The following MYH11 variants were observed in gnomAD, a reference collection of about 807,000 sequenced individuals.
The protein encoded by MYH11 is myosin heavy chain 11, also known as myosin-11.
Under a neutral mutation model 246.6 loss-of-function variants are expected in MYH11, and 80 were observed. The ratio of observed to expected loss-of-function variants is 0.32; its 90% CI spans 0.27 to 0.39. MYH11 has a LOEUF of 0.39. Among genes scored for constraint, MYH11 ranks in the 10% least tolerant of loss-of-function variants. MYH11 has a pLI of 1.00. For missense variants in MYH11, 2,158 were observed against 2,546.8 expected (o/e 0.85, Z 3.29); for synonymous variants, 1,071 against 1,015.5 (o/e 1.05, Z -1.04).
intron 14 of MYH11, among the ~76,000 whole-genome samples, chr16:15,754,640 C>A (rs1442356919): frequency 2.0e-5 from 3 of 152,108 alleles, no homozygotes; most frequent in Non-Finnish European, 4.4e-5. Context: ...TTTGGCTTGG[C>A]AAGTCATACA....
At chr16:15,712,616 C>G (rs907188952) in intron 40 of MYH11, among the ~76,000 whole-genome samples, 1 of 152,006 alleles carries the variant, frequency 6.6e-6, no homozygotes, top group Non-Finnish European at 1.5e-5. Context: ...AAGTTGATAC[C>G]CTGGGGCGGT....
At chr16:15,816,802 A>C (rs1349760954) in intron 3 of MYH11, among the ~76,000 whole-genome samples, 1 of 151,990 alleles carries the variant, frequency 6.6e-6, no homozygotes, top group Admixed American at 6.6e-5. Flanking sequence ...CCAAAAAAAA[A>C]AAAAATCAAT....
chr16:15,734,806 C>T (rs989910762), intron 26 of MYH11, among the ~76,000 whole-genome samples: 15 of 152,134 alleles, frequency 9.9e-5, no homozygotes, highest in Middle Eastern at 3.2e-3. Context: ...TGGCCCAAGA[C>T]AAATCTTTTT....
At position 15,724,677 on chromosome 16, in the gene MYH11, C is replaced by T. The variant is rs998445950; in HGVS notation, c.4086G>A (p.Leu1362=). 6 of 1,614,202 alleles carry T rather than the reference C, an allele frequency of 3.7e-6. No homozygotes were observed. Among genetic ancestry groups the T allele is most frequent in the Non-Finnish European group, 5.1e-6 (6 of 1,180,024 alleles). The change falls in exon 30 of 41, where the codon CTG becomes CTA. Residue 1362 remains leucine, a synonymous_variant. Transcript: ENST00000300036. The stretch of plus-strand genomic sequence containing the variant: ...TGTTGAGAGTGGAGATGTGGCGCTC[C>T]AGGTTCTGCTTGGCCTCCATCTCCT... ...LDEEMEAKQN[L]ERHISTLNIQ...
Position 15,741,782 on chromosome 16 carries a change from T to C in MYH11, c.2630A>G (p.Glu877Gly). The change falls in exon 21 of 41, where the codon GAG (glutamate) becomes GGG (glycine). Residue 877 changes from glutamate (E) to glycine (G), a missense_variant. Transcript: ENST00000300036. The part of the protein sequence containing the change: ...RQQKAENELK[E>G]LEQKHSQLTE... The stretch of plus-strand genomic sequence containing the variant: ...TACCTGCGAGTGCTTCTGTTCCAGC[T>C]CCTTAAGCTCATTCTCTGCCTTCTG... 1 of 1,614,176 alleles carries C rather than the reference T, an allele frequency of 6.2e-7. No individual in the cohort carries two copies. Among genetic ancestry groups the C allele is most frequent in the African/African-American group, 1.3e-5 (1 of 75,038 alleles).
intron 4 of MYH11, among the ~76,000 whole-genome samples, chr16:15,790,465 GT>G (rs1202407109): frequency 6.6e-6 from 1 of 152,168 alleles, no homozygotes; most frequent in Non-Finnish European, 1.5e-5. Flanking sequence ...GGGCTCCACT[GT>G]TTCCAAGTTC....
intron 5 of MYH11, chr16:15,785,456 T>C (rs954052403): frequency 6.6e-6 from 1 of 151,870 alleles, no homozygotes; most frequent in African/African-American, 2.4e-5. Context: ...GAGACAATTC[T>C]AGGATGCTGA....
rs747859212 is a variant in MYH11 at position 15,837,935 on chromosome 16, C to T, written c.318G>A (p.Arg106=). 3.7e-6 allele frequency: 6 copies of T among 1,613,986 alleles called. No individual in the cohort carries two copies. Among genetic ancestry groups the T allele is most frequent in the South Asian group, 3.3e-5 (3 of 91,072 alleles). ...ATATTAGCCCTGAGAAGTACCGCTCCCTCAGGTTGTGTAGCACGGAGGCTT... is the reference window on the plus strand; with the variant it reads ...ATATTAGCCCTGAGAAGTACCGCTCTCTCAGGTTGTGTAGCACGGAGGCTT... The part of the protein sequence containing the change: ...LNEASVLHNL[R]ERYFSGLIYT... The change falls in exon 2 of 41, where the codon AGG becomes AGA. Residue 106 remains arginine, a synonymous_variant. Transcript: ENST00000300036.
chr16:15,800,954 T>G (rs962224227), intron 3 of MYH11, among the ~76,000 whole-genome samples: 2 of 151,998 alleles, frequency 1.3e-5, no homozygotes, highest in African/African-American at 4.8e-5. Flanking sequence ...GCCTGTAATC[T>G]CACCACTTTG....
intron 27 of MYH11, among the ~76,000 whole-genome samples, chr16:15,732,277 T>G (rs1219473517): frequency 6.6e-6 from 1 of 151,762 alleles, no homozygotes; most frequent in Non-Finnish European, 1.5e-5. Flanking sequence ...TTTTTAAAAT[T>G]TTAGTAGAAA....
At chr16:15,710,735 G>C (rs1273723004) in intron 40 of MYH11, among the ~76,000 whole-genome samples, 5 of 151,868 alleles carry the variant, frequency 3.3e-5, no homozygotes, top group Non-Finnish European at 7.4e-5. Context: ...GGAGTATAGA[G>C]GCTTGATCTT....
At chr16:15,734,902 G>A (rs116905849) in intron 26 of MYH11, among the ~76,000 whole-genome samples, 2,405 of 152,156 alleles carry the variant, frequency 0.016, 32 homozygotes, top group Non-Finnish European at 0.027. Context: ...GATGAGGGTC[G>A]GGTGCAGTGG....
intron 36 of MYH11, chr16:15,718,779 C>A (rs1357395257): frequency 9.1e-6 from 4 of 439,134 alleles, no homozygotes; most frequent in Non-Finnish European, 1.7e-5. Context: ...GAAAACCTAA[C>A]CACCATGGGT....
intron 3 of MYH11, among the ~76,000 whole-genome samples, chr16:15,812,397 C>T (rs1443998557): frequency 6.6e-6 from 1 of 151,680 alleles, no homozygotes; most frequent in African/African-American, 2.4e-5. Context: ...TTCATAAGCA[C>T]CACGAAGATA....
intron 4 of MYH11, among the ~76,000 whole-genome samples, chr16:15,787,493 T>C (rs966641184): frequency 2.7e-5 from 4 of 148,684 alleles, no homozygotes; most frequent in African/African-American, 9.9e-5. Context: ...TTTTTTTTTT[T>C]TTTTTTTTGA....
At chr16:15,820,749 C>A (rs988215892) in intron 3 of MYH11, among the ~76,000 whole-genome samples, 1 of 152,144 alleles carries the variant, frequency 6.6e-6, no homozygotes, top group African/African-American at 2.4e-5. Context: ...CAGAAAAAAA[C>A]CCCACACCCA....
chr16:15,801,533 T>C (rs1389763682), intron 3 of MYH11, among the ~76,000 whole-genome samples: 1 of 151,766 alleles, frequency 6.6e-6, no homozygotes, highest in Non-Finnish European at 1.5e-5. Context: ...GTGATAGACA[T>C]ACCCCTTGTC....
intron 3 of MYH11, among the ~76,000 whole-genome samples, chr16:15,820,462 G>T: frequency 7.1e-6 from 1 of 141,312 alleles, no homozygotes; most frequent in South Asian, 2.2e-4. Flanking sequence ...CACCAAGAGG[G>T]AAACTCCATC....
chr16:15,784,599 C>T (rs1467373691), intron 5 of MYH11: 11 of 1,336,830 alleles, frequency 8.2e-6, no homozygotes, highest in African/African-American at 4.4e-5. Flanking sequence ...CCCATTTCTA[C>T]CACCAGCTAC....
Sources: gnomAD v4.1 joint callset for allele counts (sites outside exome capture counted in the v4.1 genomes callset) on GRCh38, gnomAD v4.1.1 for gene constraint, MANE v1.5 for transcripts, NCBI Gene and HGNC (gene_info 2026-07-23, HGNC 2026-07-21) for gene names.